The following RTN4 variants were observed in gnomAD, a reference collection of about 807,000 sequenced individuals.
RTN4 encodes reticulon 4.
Under a neutral mutation model 90.4 loss-of-function variants are expected in RTN4, and 32 were observed. That is an observed-to-expected ratio of 0.35 (90% confidence interval 0.27 to 0.48). RTN4 has a LOEUF of 0.48. Ranked by LOEUF, RTN4 falls within the 20% of genes least tolerant of loss-of-function variation. The pLI, the probability that RTN4 is intolerant of heterozygous loss-of-function variation, is 0.99. For synonymous variants in RTN4, 629 were observed against 552.5 expected, an observed-to-expected ratio of 1.14 and a Z score of -1.94; for missense variants, 1,706 against 1,430.2, an observed-to-expected ratio of 1.19 and a Z score of -3.11.
chr2:54,993,497 G>A (rs898701811), intron 3 of RTN4, among the ~76,000 whole-genome samples: 102 of 152,336 alleles, frequency 6.7e-4, no homozygotes, highest in African/African-American at 2.3e-3. Context: ...GAATAGTCAT[G>A]TATAAGGCCC....
At chr2:55,063,947 G>A (rs1205597348) in intron 2 of RTN4, among the ~76,000 whole-genome samples, 1 of 151,958 alleles carries the variant, frequency 6.6e-6, no homozygotes. Context: ...CAGGCCAAGC[G>A]CAGTGGCTCA....
chr2:55,030,450 G>T (rs11125554), intron 1 of RTN4, among the ~76,000 whole-genome samples: 16,933 of 152,078 alleles, frequency 0.11, 1,453 homozygotes, highest in African/African-American at 0.24. Context: ...GGGACTTCAA[G>T]AATACAGTTC....
intron 4 of RTN4, among the ~76,000 whole-genome samples, chr2:54,986,971 T>C (rs1342667714): frequency 6.6e-6 from 1 of 151,768 alleles, no homozygotes; most frequent in East Asian, 1.9e-4. Context: ...AAAACAAGGG[T>C]AGAAGATGAT....
chr2:55,133,090 A>G, the RTN4 span, among the ~76,000 whole-genome samples: 1 of 152,044 alleles, frequency 6.6e-6, no homozygotes, highest in South Asian at 2.1e-4. Context: ...GGGTGCCTGT[A>G]ATCCCAGCTA....
intron 4 of RTN4, among the ~76,000 whole-genome samples, chr2:54,984,425 C>G (rs1434246297): frequency 6.6e-6 from 1 of 152,200 alleles, no homozygotes; most frequent in Non-Finnish European, 1.5e-5. Flanking sequence ...AATACTCGCA[C>G]TGATATTTAA....
At chr2:54,982,675 A>G (rs1678237983) in intron 4 of RTN4, 22 bp from the exon 5 acceptor site, 1 of 1,579,632 alleles carries the variant, frequency 6.3e-7, no homozygotes, top group African/African-American at 1.4e-5. Context: ...AACACATCAT[A>G]ATTGTCACTA....
intron 1 of RTN4, among the ~76,000 whole-genome samples, chr2:55,031,038 C>T (rs1202655363): frequency 6.6e-6 from 1 of 152,162 alleles, no homozygotes; most frequent in Non-Finnish European, 1.5e-5. Flanking sequence ...GTAGGTACTA[C>T]TGTTACCCCC....
the RTN4 span, among the ~76,000 whole-genome samples, chr2:55,122,472 A>G: frequency 6.6e-6 from 1 of 152,352 alleles, no homozygotes; most frequent in Admixed American, 6.5e-5. Context: ...AAAGAACCCC[A>G]TAGTTGGTTT....
intron 2 of RTN4, among the ~76,000 whole-genome samples, chr2:55,057,862 G>A (rs924685572): frequency 6.6e-6 from 1 of 152,086 alleles, no homozygotes; most frequent in African/African-American, 2.4e-5. Context: ...GCATGCATGT[G>A]GTTCTAGCTA....
upstream of RTN4, among the ~76,000 whole-genome samples, chr2:55,051,516 TG>T (rs1668088947): frequency 6.6e-6 from 1 of 152,228 alleles, no homozygotes; most frequent in East Asian, 1.9e-4. Flanking sequence ...AGAACATCTT[TG>T]TAAGAATCAG....
chr2:55,049,443 A>T, intron 1 of RTN4: 1 of 435,734 alleles, frequency 2.3e-6, no homozygotes, highest in East Asian at 4.5e-5. Context: ...GGCTCCTACT[A>T]CGGGTGGGTG....
chr2:54,993,190 G>A (rs539524182), intron 3 of RTN4, among the ~76,000 whole-genome samples: 32 of 151,612 alleles, frequency 2.1e-4, no homozygotes, highest in African/African-American at 6.8e-4. Flanking sequence ...AGTTTTACTT[G>A]CTTCTTTACT....
rs750258575 is a variant in RTN4 at position 55,026,394 on chromosome 2, T to C, written c.1705A>G (p.Thr569Ala). ...CESELNEVTG[T>A]KIAYETKMDL... Reference sequence around the variant, plus strand: ...ATTTTTGTTTCATAAGCAATCTTTGTACCAGTAACTTCATTCAATTCACTT... The same window carrying C: ...ATTTTTGTTTCATAAGCAATCTTTGCACCAGTAACTTCATTCAATTCACTT... Residue 569 changes from threonine to alanine, a missense_variant, in exon 3 of 9, where the codon ACA becomes GCA. By Grantham distance (58) the Thr-to-Ala change is moderately conservative. Transcript: ENST00000337526. 1.1e-5 allele frequency: 17 copies of C among 1,613,922 alleles called. No individual in the cohort carries two copies. Among genetic ancestry groups the C allele is most frequent in the South Asian group, 9.9e-5 (9 of 91,080 alleles).
intron 1 of RTN4, among the ~76,000 whole-genome samples, chr2:55,029,972 A>C (rs1009693400): frequency 6.7e-6 from 1 of 150,016 alleles, no homozygotes; most frequent in Non-Finnish European, 1.5e-5. Flanking sequence ...TATAAAACTG[A>C]AATTTGAGGG....
intron 2 of RTN4, among the ~76,000 whole-genome samples, chr2:55,074,809 C>G (rs1193358429): frequency 2.0e-5 from 3 of 152,118 alleles, no homozygotes; most frequent in African/African-American, 4.8e-5. Flanking sequence ...ACCACATAAA[C>G]AGACTTAAAA....
chr2:55,029,465 C>T (rs1353221381), intron 1 of RTN4, among the ~76,000 whole-genome samples: 1 of 152,106 alleles, frequency 6.6e-6, no homozygotes, highest in Non-Finnish European at 1.5e-5. Flanking sequence ...TTGAAACAGC[C>T]TGAGAGATGA....
At chr2:55,088,967 T>C (rs1362841579) in intron 1 of RTN4, among the ~76,000 whole-genome samples, 1 of 152,124 alleles carries the variant, frequency 6.6e-6, no homozygotes, top group Non-Finnish European at 1.5e-5. Flanking sequence ...AGTCTCGTTC[T>C]TGTTGCCCAG....
At chr2:55,061,918 C>G (rs538231224) in intron 2 of RTN4, among the ~76,000 whole-genome samples, 1 of 152,228 alleles carries the variant, frequency 6.6e-6, no homozygotes, top group Admixed American at 6.5e-5. Context: ...TATAAAAACC[C>G]GAGACCCTAG....
At chr2:55,037,273 A>G (rs1682757066) in intron 1 of RTN4, among the ~76,000 whole-genome samples, 1 of 152,246 alleles carries the variant, frequency 6.6e-6, no homozygotes. Flanking sequence ...TGAAAGATAT[A>G]ATATTGTTGA....
Sources: allele counts gnomAD v4.1 joint callset (sites outside exome capture counted in the v4.1 genomes callset), GRCh38; gene constraint gnomAD v4.1.1; transcripts MANE v1.5; gene names NCBI Gene and HGNC (gene_info 2026-07-23, HGNC 2026-07-21).